The following PALLD variants were observed in gnomAD, a reference collection of about 807,000 sequenced individuals.
PALLD encodes the protein palladin, cytoskeletal associated protein.
PALLD carries 61 observed loss-of-function variants against 123.5 expected under a neutral mutation model. That is an observed-to-expected ratio of 0.49 (90% confidence interval 0.40 to 0.61). The LOEUF (loss-of-function observed/expected upper bound fraction) is 0.61, where lower values mean the gene tolerates loss of function less well. Among genes scored for constraint, PALLD ranks in the 20% least tolerant of loss-of-function variants. PALLD has a pLI of 0.00. For synonymous variants in PALLD, 465 were observed against 496.4 expected (o/e 0.94, Z 0.84); for missense variants, 1,273 against 1,377.0 (o/e 0.92, Z 1.20).
At chr4:168,615,845 C>A (rs1277265585) in intron 2 of PALLD, among the ~76,000 whole-genome samples, 1 of 152,140 alleles carries the variant, frequency 6.6e-6, no homozygotes, top group Non-Finnish European at 1.5e-5. Context: ...ATAATCCCTG[C>A]CTTGTAGTCA....
chr4:168,593,270 G>A (rs1224876911), intron 2 of PALLD, among the ~76,000 whole-genome samples: 1 of 151,898 alleles, frequency 6.6e-6, no homozygotes, highest in Non-Finnish European at 1.5e-5. Flanking sequence ...CACAGCTAAA[G>A]TTTCTTGGAT....
chr4:168,585,090 A>G (rs1283849301), intron 2 of PALLD, among the ~76,000 whole-genome samples: 2 of 152,214 alleles, frequency 1.3e-5, no homozygotes, highest in African/African-American at 4.8e-5. Flanking sequence ...AACTATTTCT[A>G]TTTGGTAATA....
chr4:168,768,909 A>G (rs968317323), intron 10 of PALLD, among the ~76,000 whole-genome samples: 2 of 150,144 alleles, frequency 1.3e-5, no homozygotes, highest in African/African-American at 2.5e-5. Flanking sequence ...GCTCACTGCA[A>G]CCTCCGCCTC....
intron 10 of PALLD, among the ~76,000 whole-genome samples, chr4:168,721,869 G>A (rs1467270428): frequency 6.6e-6 from 1 of 152,070 alleles, no homozygotes; most frequent in African/African-American, 2.4e-5. Flanking sequence ...TGGATTTTTA[G>A]AACTCTTCCT....
intron 10 of PALLD, among the ~76,000 whole-genome samples, chr4:168,763,120 A>C (rs770147864): frequency 3.3e-5 from 5 of 152,174 alleles, no homozygotes; most frequent in Non-Finnish European, 7.4e-5. Context: ...ATGTATACCT[A>C]TGTAACAAAC....
At chr4:168,631,821 C>A in intron 2 of PALLD, 3 of 985,460 alleles carry the variant, frequency 3.0e-6, no homozygotes, top group Non-Finnish European at 3.6e-6. Context: ...AAGTTGCAAG[C>A]TGGGAATAAG....
At chr4:168,706,312 T>C (rs1784226620) in intron 8 of PALLD, among the ~76,000 whole-genome samples, 1 of 152,194 alleles carries the variant, frequency 6.6e-6, no homozygotes, top group South Asian at 2.1e-4. Context: ...TTAGATTCAA[T>C]GTAGAACACA....
chr4:168,920,606 C>T lies in PALLD; in HGVS notation c.2851-928C>T, dbSNP rs575536733. Among the ~76,000 whole-genome samples the T allele has an allele frequency of 1.2e-4, 19 of 152,234 alleles. No individual in the cohort carries two copies. The East Asian group carries it at 1.7e-3, about 14-fold the overall frequency. ...AGATGGCGACCATCCTGACCCTTTG[C>T]GGCACAACATGTTATTAGCAATTAA... On this transcript the variant is annotated intron_variant, in intron 17 of 21. Transcript: ENST00000505667.
rs1370710097 is a variant in PALLD at position 168,588,208 on chromosome 4, G to A, written c.908+75796G>A. ...CTACCAGGATCACTGTGAGCCCTGG[G>A]AGGATGGATTTGTAAAAAATTCCTG... On this transcript the variant is annotated intron_variant, in intron 2 of 21. Coordinates refer to ENST00000505667, the MANE Select transcript of PALLD (RefSeq NM_001166108.2). Among the ~76,000 whole-genome samples, 4 of 152,056 alleles carry A rather than the reference G, an allele frequency of 2.6e-5. No homozygotes were observed. In the East Asian group the frequency reaches 7.7e-4, roughly 29 times the overall value.
At chr4:168,788,974 C>T (rs1037177206) in intron 10 of PALLD, among the ~76,000 whole-genome samples, 4 of 152,092 alleles carry the variant, frequency 2.6e-5, no homozygotes, top group Non-Finnish European at 4.4e-5. Context: ...TGCAACTCTC[C>T]GCACCTTGAG....
intron 2 of PALLD, among the ~76,000 whole-genome samples, chr4:168,523,731 G>A (rs1048831537): frequency 6.6e-6 from 1 of 152,036 alleles, no homozygotes; most frequent in East Asian, 1.9e-4. Context: ...CCAGAAGCAC[G>A]GTAACATTCA....
At chr4:168,602,239 T>C (rs534312351) in intron 2 of PALLD, among the ~76,000 whole-genome samples, 1 of 152,332 alleles carries the variant, frequency 6.6e-6, no homozygotes, top group East Asian at 1.9e-4. Flanking sequence ...GCAGGCACTT[T>C]GGAGACCACT....
rs946070394 is a variant in PALLD, at chr4:168,709,151, T to C, written c.1621+4T>C. ...GCCCAGCTGGTTGTCACCTCAGGTATGTGAGGAGTAAAAAAAATGACTGGG... is the reference window on the plus strand; with the variant it reads ...GCCCAGCTGGTTGTCACCTCAGGTACGTGAGGAGTAAAAAAAATGACTGGG... On this transcript the variant is annotated splice_donor_region_variant and intron_variant, in intron 9 of 21. Coordinates refer to ENST00000505667, the MANE Select transcript of PALLD (RefSeq NM_001166108.2). 1 of 1,613,524 alleles carries C rather than the reference T, an allele frequency of 6.2e-7. No homozygotes were observed. Among genetic ancestry groups the C allele is most frequent in the Non-Finnish European group, 8.5e-7 (1 of 1,179,758 alleles).
At chr4:168,549,024 A>G (rs1766457224) in intron 2 of PALLD, among the ~76,000 whole-genome samples, 1 of 152,108 alleles carries the variant, frequency 6.6e-6, no homozygotes, top group Non-Finnish European at 1.5e-5. Context: ...CTATCTCTAA[A>G]AAAGAAAGAA....
intron 10 of PALLD, chr4:168,832,286 C>T (rs1338217282): frequency 2.1e-6 from 1 of 465,654 alleles, no homozygotes; most frequent in Non-Finnish European, 2.8e-6. Flanking sequence ...AGGGTGGGGG[C>T]GGGGAGGACA....
At chr4:168,648,612 T>C (rs187207075) in intron 2 of PALLD, 13 of 152,352 alleles carry the variant, frequency 8.5e-5, no homozygotes, top group African/African-American at 3.1e-4. Context: ...TGAGTACTTT[T>C]GCACCAAGCA....
At chr4:168,692,383 T>C (rs1180729732) in intron 8 of PALLD, among the ~76,000 whole-genome samples, 1 of 152,218 alleles carries the variant, frequency 6.6e-6, no homozygotes, top group Non-Finnish European at 1.5e-5. Flanking sequence ...GTCCCCCCAC[T>C]TAATGTGTCA....
At chr4:168,697,792 T>C (rs1031569605) in intron 8 of PALLD, among the ~76,000 whole-genome samples, 1 of 152,214 alleles carries the variant, frequency 6.6e-6, no homozygotes, top group East Asian at 1.9e-4. Context: ...AACTCCCAAA[T>C]GCTTAGCATT....
rs115184681 is a variant in PALLD, at chr4:168,805,888, T to C, written c.1965-85034T>C. 2.3e-3 allele frequency among the ~76,000 whole-genome samples: 345 copies of C among 152,282 alleles called. 1 individual carries two copies. The highest frequency in any genetic ancestry group is 0.01 in the Middle Eastern group (3 of 294). ...AGTATCTAGCACAACTTAGTAGATA[T>C]CAATTAATGTTCATTGTATAGTCCT... On this transcript the variant is annotated intron_variant, in intron 10 of 21. Transcript: ENST00000505667.
Sources: allele counts gnomAD v4.1 joint callset (sites outside exome capture counted in the v4.1 genomes callset), GRCh38; gene constraint gnomAD v4.1.1; transcripts MANE v1.5; gene names NCBI Gene and HGNC (gene_info 2026-07-23, HGNC 2026-07-21).